TPX2: variants seen among roughly 807,000 people sequenced by gnomAD.
The protein encoded by TPX2 is TPX2 microtubule nucleation factor, also known as targeting protein for Xklp2.
TPX2 carries 21 observed loss-of-function variants against 93.6 expected under a neutral mutation model. That is an observed-to-expected ratio of 0.22 (90% CI 0.16 to 0.32). TPX2 has a LOEUF of 0.32. TPX2 is among the 10% of genes least tolerant of loss of function. The pLI, the probability that TPX2 is intolerant of heterozygous loss-of-function variation, is 1.00. For synonymous variants in TPX2, 281 were observed against 298.3 expected (o/e 0.94, Z 0.60); for missense variants, 776 against 871.1 (o/e 0.89, Z 1.37).
At chr20:31,749,912 ATTTG>A (rs899460359) in intron 2 of TPX2, among the ~76,000 whole-genome samples, 7 of 151,934 alleles carry the variant, frequency 4.6e-5, no homozygotes, top group African/African-American at 7.2e-5. Flanking sequence ...AAATCTTATT[ATTTG>A]TTTATTTTTA....
chr20:31,740,674 C>A (rs546991990), intron 1 of TPX2, among the ~76,000 whole-genome samples: 8 of 152,306 alleles, frequency 5.3e-5, no homozygotes, highest in South Asian at 2.1e-4. Flanking sequence ...AAGTGAGAAT[C>A]AGAGCAAGAT....
chr20:31,766,434 G>A, intron 4 of TPX2, 122 bp from the exon 5 acceptor site: 1 of 1,099,568 alleles, frequency 9.1e-7, no homozygotes, highest in East Asian at 2.5e-5. Flanking sequence ...CTGGAACTAA[G>A]GTTTCTGTGG....
intron 13 of TPX2, among the ~76,000 whole-genome samples, chr20:31,793,208 AC>A (rs2062113730): frequency 6.6e-6 from 1 of 152,222 alleles, no homozygotes; most frequent in Non-Finnish European, 1.5e-5. Context: ...CTAAGCAATT[AC>A]ATCCACCTTG....
At chr20:31,740,339 CTT>C (rs1396000814) in intron 1 of TPX2, among the ~76,000 whole-genome samples, 1 of 152,188 alleles carries the variant, frequency 6.6e-6, no homozygotes, top group East Asian at 1.9e-4. Context: ...TGTGGCCTCT[CTT>C]TGAATTTCTC....
chr20:31,749,188 C>T (rs959312493), intron 2 of TPX2, among the ~76,000 whole-genome samples: 9 of 152,002 alleles, frequency 5.9e-5, no homozygotes, highest in African/African-American at 1.2e-4. Context: ...CCTCATGATC[C>T]ACCCGCCTCG....
intron 2 of TPX2, among the ~76,000 whole-genome samples, chr20:31,744,894 CT>C (rs1433893534): frequency 6.6e-6 from 1 of 152,132 alleles, no homozygotes; most frequent in Non-Finnish European, 1.5e-5. Flanking sequence ...CAAGACCAGC[CT>C]GGCTAACATG....
intron 2 of TPX2, among the ~76,000 whole-genome samples, chr20:31,746,192 T>A (rs946518516): frequency 2.0e-5 from 3 of 152,306 alleles, no homozygotes; most frequent in Non-Finnish European, 4.4e-5. Context: ...AATTTCAACA[T>A]AGAAGTTAGC....
chr20:31,743,638 T>C (rs1265417799), intron 2 of TPX2, among the ~76,000 whole-genome samples: 1 of 151,452 alleles, frequency 6.6e-6, no homozygotes, highest in African/African-American at 2.4e-5. Context: ...GAGGTTACGG[T>C]GAGCTGAGGG....
At position 31,766,650 on chromosome 20, in the gene TPX2, C is replaced by T; in HGVS notation, c.324C>T (p.Ala108=). The change falls in exon 5 of 18, where the codon GCC becomes GCT. Residue 108 remains alanine (A), a synonymous_variant. Transcript: ENST00000300403. Reference sequence around the variant, plus strand: ...GTTCTTCCCTGGAAGTTGAGGCAGCCATATCAAGAAAAACTCCAGCCCAGC... The same window carrying T: ...GTTCTTCCCTGGAAGTTGAGGCAGCTATATCAAGAAAAACTCCAGCCCAGC... The part of the protein sequence containing the change: ...NACSSLEVEA[A]ISRKTPAQPQ... 1 of 1,613,544 alleles carries T rather than the reference C, an allele frequency of 6.2e-7. No homozygotes were observed. The highest frequency in any genetic ancestry group is 8.5e-7 in the Non-Finnish European group (1 of 1,179,870).
At chr20:31,781,892 C>G (rs1600384623) in intron 10 of TPX2, among the ~76,000 whole-genome samples, 1 of 151,946 alleles carries the variant, frequency 6.6e-6, no homozygotes, top group East Asian at 2.0e-4. Context: ...TGTAGTGAGC[C>G]TTTATGCCCC....
chr20:31,787,699 G>C (rs912769667), intron 12 of TPX2, among the ~76,000 whole-genome samples: 1 of 152,184 alleles, frequency 6.6e-6, no homozygotes, highest in Non-Finnish European at 1.5e-5. Flanking sequence ...TCACATGTGA[G>C]AGGGGGTAGA....
intron 16 of TPX2, 68 bp from the exon 17 acceptor site, chr20:31,798,297 A>G (rs2123102238): frequency 6.3e-7 from 1 of 1,599,966 alleles, no homozygotes; most frequent in Non-Finnish European, 8.6e-7. Flanking sequence ...CCACTTGCTC[A>G]TTCCAGGGGG....
rs58399677 is a variant in TPX2 at position 31,771,626 on chromosome 20, A to G, written c.552A>G (p.Ala184=). 4.1e-3 allele frequency: 6,618 copies of G among 1,613,932 alleles called. 212 individuals are homozygous for G. In the African/African-American group the frequency reaches 0.072, roughly 18 times the overall value. ...ATCAAGATACTGCTGAAAAGAATGC[A>G]TCTTCCCCAGAGAAAGCCAAGGGTA... ...SAHQDTAEKN[A]SSPEKAKGRH... is the part of the protein sequence containing the mutation. The change falls in exon 7 of 18, where the codon GCA becomes GCG. Residue 184 remains alanine (A), a synonymous_variant. Coordinates refer to ENST00000300403, the MANE Select transcript of TPX2 (RefSeq NM_012112.5).
At position 31,792,807 on chromosome 20, in the gene TPX2, C is replaced by A. The variant is rs267605874; in HGVS notation, c.1486C>A (p.Arg496=). 6 of 1,614,134 alleles carry A rather than the reference C, an allele frequency of 3.7e-6. No homozygotes were observed. Among genetic ancestry groups the A allele is most frequent in the Non-Finnish European group, 5.1e-6 (6 of 1,180,006 alleles). The change falls in exon 13 of 18, where the codon CGA becomes AGA. Residue 496 remains arginine (R), a synonymous_variant. Coordinates refer to ENST00000300403, the MANE Select transcript of TPX2 (RefSeq NM_012112.5). ...AGCCTTTGCATTGAAGAACAGAATT[C>A]GAATGCCCACCAAAGAAGATGAGGT... ...SPAFALKNRI[R]MPTKEDEEED...
chr20:31,756,588 A>C (rs747376080), intron 2 of TPX2, among the ~76,000 whole-genome samples: 23 of 152,064 alleles, frequency 1.5e-4, no homozygotes, highest in Non-Finnish European at 2.6e-4. Context: ...CTTTTAAAAA[A>C]CATTTAGAAA....
intron 3 of TPX2, among the ~76,000 whole-genome samples, chr20:31,759,469 A>G (rs2061874426): frequency 7.4e-6 from 1 of 134,486 alleles, no homozygotes. Context: ...GTGCGGTCTC[A>G]GCTTACTGCA....
intron 2 of TPX2, among the ~76,000 whole-genome samples, chr20:31,753,850 A>G (rs1041630125): frequency 5.3e-5 from 8 of 152,076 alleles, no homozygotes; most frequent in Admixed American, 1.3e-4. Context: ...ACATGGTGAA[A>G]CCCCATCTCT....
At chr20:31,744,159 C>CTTTTTTT (rs11465034) in intron 2 of TPX2, among the ~76,000 whole-genome samples, 4 of 112,270 alleles carry the variant, frequency 3.6e-5, no homozygotes, top group Admixed American at 9.7e-5. Flanking sequence ...ATTTTTTTAA[C>CTTTTTTT]TTTTTTTTTT....
At position 31,797,512 on chromosome 20, in the gene TPX2, G is replaced by T; in HGVS notation, c.1942G>T (p.Ala648Ser). The T allele has an allele frequency of 6.2e-7, 1 of 1,613,804 alleles. No homozygotes were observed. The highest frequency in any genetic ancestry group is 8.5e-7 in the Non-Finnish European group (1 of 1,179,804). Residue 648 changes from alanine (A) to serine (S), a missense_variant, in exon 16 of 18, where the codon GCT becomes TCT. This residue lies in a region of TPX2 where 461 missense variants were observed against 551.2 expected (regional missense o/e 0.84). Transcript: ENST00000300403. ...TCCCAAGAAAGAGAAGAAATCAGTTGCTGGTAGTATTATATGTACTCTGAT... is the reference window on the plus strand; with the variant it reads ...TCCCAAGAAAGAGAAGAAATCAGTTTCTGGTAGTATTATATGTACTCTGAT... ...FVPKKEKKSV[A>S]EGLSGSLVQE...
Sources: allele counts gnomAD v4.1 joint callset (sites outside exome capture counted in the v4.1 genomes callset), GRCh38; gene constraint gnomAD v4.1.1; regional missense constraint gnomAD v4.1.1; transcripts MANE v1.5; gene names NCBI Gene and HGNC (gene_info 2026-07-23, HGNC 2026-07-21).